Variants in SERGEF observed in about 807,000 individuals in gnomAD.
The protein encoded by SERGEF is secretion-regulating guanine nucleotide exchange factor.
Under a neutral mutation model 50.0 loss-of-function variants are expected in SERGEF, and 51 were observed. That is an observed-to-expected ratio of 1.02 (90% CI 0.81 to 1.29). The LOEUF is 1.29. Ranked by LOEUF, SERGEF falls within the 50% of genes most tolerant of loss-of-function variation. The probability of loss-of-function intolerance (pLI) is 0.00; values close to 1 mark genes in which losing one functional copy is unlikely to be tolerated. For missense variants in SERGEF, 521 were observed against 557.0 expected (o/e 0.94, Z 0.65); for synonymous variants, 205 against 212.4 (o/e 0.97, Z 0.30).
At chr11:17,899,341 A>G (rs1343257023) in intron 9 of SERGEF, among the ~76,000 whole-genome samples, 1 of 152,148 alleles carries the variant, frequency 6.6e-6, no homozygotes, top group Non-Finnish European at 1.5e-5. Context: ...TATAATCCAA[A>G]ATTTACTGAG....
chr11:17,981,061 C>T (rs1192458367), intron 8 of SERGEF, among the ~76,000 whole-genome samples: 38 of 152,178 alleles, frequency 2.5e-4, no homozygotes, highest in Non-Finnish European at 5.9e-5. Context: ...ATTTCACACC[C>T]TTCCCTGACC....
intron 10 of SERGEF, among the ~76,000 whole-genome samples, chr11:17,792,172 C>T (rs1001646401): frequency 2.0e-5 from 3 of 152,222 alleles, no homozygotes; most frequent in African/African-American, 7.2e-5. Flanking sequence ...GGAAGGCAAT[C>T]ACTGGCCAAA....
rs185654092 is a variant in SERGEF at position 17,988,728 on chromosome 11, C to A, written c.713G>T (p.Ser238Ile). ...ATTAGCCAGTTGCCCATGCTTGTTG[C>A]TTCCCCAAACATACACCTCTCCTGC... Reference protein sequence around the residue: ...TDAGEVYVWGSNKHGQLANEA... With the variant: ...TDAGEVYVWGINKHGQLANEA... Residue 238 changes from serine to isoleucine, a missense_variant, in exon 8 of 11, where the codon AGC (serine) becomes ATC (isoleucine). By Grantham distance (142) the Ser-to-Ile change is moderately radical. Transcript: ENST00000265965. The A allele has an allele frequency of 3.8e-5, 62 of 1,614,062 alleles. No homozygotes were observed. In the African/African-American group the frequency reaches 8.0e-4, roughly 21 times the overall value.
chr11:18,012,794 C>CAACA, intron 1 of SERGEF, 157 bp downstream of exon 1: 2 of 1,479,624 alleles, frequency 1.4e-6, no homozygotes, highest in Non-Finnish European at 1.8e-6. Flanking sequence ...CCCGCTCCTC[C>CAACA]TCCGCTCCCC....
At chr11:17,876,419 C>T (rs1851236301) in intron 10 of SERGEF, among the ~76,000 whole-genome samples, 1 of 152,196 alleles carries the variant, frequency 6.6e-6, no homozygotes, top group African/African-American at 2.4e-5. Flanking sequence ...AACAGTTACA[C>T]TAACAAGTAT....
At chr11:17,936,616 T>C (rs540004241) in intron 9 of SERGEF, among the ~76,000 whole-genome samples, 29 of 152,294 alleles carry the variant, frequency 1.9e-4, no homozygotes, top group African/African-American at 6.7e-4. Context: ...CGAAGCTTCC[T>C]GCTCTCTAGG....
chr11:17,968,930 A>G (rs1378456658), intron 8 of SERGEF, among the ~76,000 whole-genome samples: 1 of 152,190 alleles, frequency 6.6e-6, no homozygotes, highest in Non-Finnish European at 1.5e-5. Flanking sequence ...TCTCCTCTAC[A>G]GCACATCACC....
chr11:17,908,983 G>A (rs1418819973), intron 9 of SERGEF, among the ~76,000 whole-genome samples: 5 of 152,186 alleles, frequency 3.3e-5, no homozygotes, highest in Admixed American at 6.5e-5. Flanking sequence ...AAAAGGTATA[G>A]AAGCAGCAGA....
At chr11:17,930,896 C>G (rs190249327) in intron 9 of SERGEF, among the ~76,000 whole-genome samples, 44 of 152,234 alleles carry the variant, frequency 2.9e-4, no homozygotes, top group Non-Finnish European at 5.7e-4. Flanking sequence ...AATCAGCAGG[C>G]AAAAGGAGAA....
At chr11:17,957,315 G>A (rs1473523855) in intron 9 of SERGEF, among the ~76,000 whole-genome samples, 1 of 152,200 alleles carries the variant, frequency 6.6e-6, no homozygotes, top group Non-Finnish European at 1.5e-5. Flanking sequence ...AACAGTTTCT[G>A]AGTGCCTACT....
At chr11:17,912,598 C>CT (rs897127156) in intron 9 of SERGEF, among the ~76,000 whole-genome samples, 2 of 152,204 alleles carry the variant, frequency 1.3e-5, no homozygotes, top group Admixed American at 6.5e-5. Context: ...GTACTAAACA[C>CT]TTTCATAATG....
At chr11:18,002,795 T>C (rs547914504) in intron 4 of SERGEF, among the ~76,000 whole-genome samples, 103 of 152,328 alleles carry the variant, frequency 6.8e-4, no homozygotes, top group African/African-American at 2.5e-3. Flanking sequence ...CTAAACATAG[T>C]ACCTACACAT....
chr11:17,988,868 C>G, intron 7 of SERGEF, 113 bp from the exon 8 acceptor site: 1 of 1,054,564 alleles, frequency 9.5e-7, no homozygotes, highest in Non-Finnish European at 1.3e-6. Flanking sequence ...TATACTTAGA[C>G]TACAAGGTTG....
intron 1 of SERGEF, among the ~76,000 whole-genome samples, chr11:18,009,219 C>T (rs567520733): frequency 1.3e-5 from 2 of 152,280 alleles, no homozygotes; most frequent in Admixed American, 1.3e-4. Flanking sequence ...TAGGCTCATT[C>T]TTAACGGCTG....
intron 9 of SERGEF, among the ~76,000 whole-genome samples, chr11:17,956,095 C>T (rs964462649): frequency 3.9e-5 from 6 of 152,148 alleles, no homozygotes; most frequent in Admixed American, 3.9e-4. Flanking sequence ...GTAAAACTGA[C>T]AGAGAATGAA....
intron 10 of SERGEF, among the ~76,000 whole-genome samples, chr11:17,826,974 G>T (rs1704366143): frequency 1.2e-5 from 1 of 83,316 alleles, no homozygotes; most frequent in East Asian, 3.7e-4. Context: ...GTGAAGATGG[G>T]ATTTGAATTC....
intron 9 of SERGEF, among the ~76,000 whole-genome samples, chr11:17,923,160 C>G (rs1852189303): frequency 6.6e-6 from 1 of 152,230 alleles, no homozygotes; most frequent in Non-Finnish European, 1.5e-5. Flanking sequence ...CTCCTGCCAT[C>G]AGCTGATTCC....
chr11:17,999,871 T>G (rs1055619321), intron 5 of SERGEF, among the ~76,000 whole-genome samples: 2 of 152,250 alleles, frequency 1.3e-5, no homozygotes, highest in Non-Finnish European at 2.9e-5. Context: ...TTTAACTCTG[T>G]GCCTCAGTTT....
intron 10 of SERGEF, among the ~76,000 whole-genome samples, chr11:17,823,593 A>G (rs140827401): frequency 7.2e-4 from 109 of 152,272 alleles, no homozygotes; most frequent in Non-Finnish European, 1.1e-3. Context: ...AAACGGGGGA[A>G]GAGAAGGCGG....
Sources: allele counts gnomAD v4.1 joint callset (sites outside exome capture counted in the v4.1 genomes callset), GRCh38; gene constraint gnomAD v4.1.1; transcripts MANE v1.5; gene names NCBI Gene and HGNC (gene_info 2026-07-23, HGNC 2026-07-21).